CCDC91: variants seen among roughly 807,000 people sequenced by gnomAD.
CCDC91 encodes the protein coiled-coil domain-containing protein 91.
A neutral mutation model predicts 63.2 loss-of-function variants in CCDC91; 48 were observed. The observed-to-expected ratio is 0.76, with a 90% CI of 0.60 to 0.97. CCDC91 has a LOEUF of 0.97. Among genes scored for constraint, CCDC91 ranks in the 50% least tolerant of loss-of-function variants. The pLI is 0.00. For missense variants in CCDC91, 500 were observed against 494.6 expected (o/e 1.01, Z -0.10); for synonymous variants, 167 against 165.8 (o/e 1.01, Z -0.06).
intron 8 of CCDC91, among the ~76,000 whole-genome samples, chr12:28,415,630 A>G (rs542725054): frequency 1.6e-4 from 24 of 151,810 alleles, no homozygotes; most frequent in Middle Eastern, 3.4e-3. Context: ...ATTGATTTGC[A>G]TATAGCCTTT....
At chr12:28,255,606 GTTTTAA>G (rs1232104173) in intron 1 of CCDC91, 1 of 152,106 alleles carries the variant, frequency 6.6e-6, no homozygotes, top group East Asian at 1.9e-4. Flanking sequence ...GACCTGCTTA[GTTTTAA>G]TTTTTGGAGA....
intron 3 of CCDC91, among the ~76,000 whole-genome samples, chr12:28,266,450 G>A (rs1413844482): frequency 6.6e-6 from 1 of 151,952 alleles, no homozygotes; most frequent in Non-Finnish European, 1.5e-5. Flanking sequence ...AACATGAATA[G>A]CTTTTACTAG....
At position 28,322,839 on chromosome 12, in the gene CCDC91, T is replaced by C. The variant is rs149510900; in HGVS notation, c.576+15090T>C. 5.5e-4 allele frequency among the ~76,000 whole-genome samples: 84 copies of C among 151,890 alleles called. 1 individual carries two copies. Among genetic ancestry groups the C allele is most frequent in the African/African-American group, 1.9e-3 (80 of 41,544 alleles). On this transcript the variant is annotated intron_variant, in intron 6 of 12. Coordinates refer to ENST00000536442, the MANE Select transcript of CCDC91 (RefSeq NM_018318.5). ...ACATGAGAATGCCTGTTTTACCATATCCTTGCCTACTGGGTATTGCCAGAC... is the reference window on the plus strand; with the variant it reads ...ACATGAGAATGCCTGTTTTACCATACCCTTGCCTACTGGGTATTGCCAGAC...
At chr12:28,210,622 T>G (rs1011286702) in intron 1 of CCDC91, among the ~76,000 whole-genome samples, 1 of 152,196 alleles carries the variant, frequency 6.6e-6, no homozygotes, top group African/African-American at 2.4e-5. Flanking sequence ...TGCTTTTAAT[T>G]AAGCTGACTT....
chr12:28,468,126 C>A (rs1451281909), intron 11 of CCDC91, among the ~76,000 whole-genome samples: 2 of 151,598 alleles, frequency 1.3e-5, no homozygotes, highest in Non-Finnish European at 3.0e-5. Flanking sequence ...GAAAACAATA[C>A]CAAAGATCAA....
At chr12:28,290,433 CCA>C (rs1210473541) in intron 3 of CCDC91, among the ~76,000 whole-genome samples, 3 of 152,126 alleles carry the variant, frequency 2.0e-5, no homozygotes, top group African/African-American at 7.2e-5. Flanking sequence ...AGGCAGCATA[CCA>C]TTAGGTCTTT....
chr12:28,335,440 C>T (rs1353138430), intron 6 of CCDC91, among the ~76,000 whole-genome samples: 1 of 144,326 alleles, frequency 6.9e-6, no homozygotes, highest in Admixed American at 7.1e-5. Context: ...TATTTGAGAC[C>T]AGGTCTTGCT....
At chr12:28,488,816 G>A (rs1473303197) in intron 12 of CCDC91, among the ~76,000 whole-genome samples, 2 of 151,906 alleles carry the variant, frequency 1.3e-5, no homozygotes, top group African/African-American at 2.4e-5. Context: ...ACAGTGATTT[G>A]CATTGAAAGA....
intron 6 of CCDC91, among the ~76,000 whole-genome samples, chr12:28,312,346 A>G (rs1161294420): frequency 6.6e-6 from 1 of 151,950 alleles, no homozygotes; most frequent in Non-Finnish European, 1.5e-5. Context: ...GTTTGTGCAT[A>G]TTTATGTGTA....
intron 8 of CCDC91, among the ~76,000 whole-genome samples, chr12:28,428,950 C>A (rs914946799): frequency 6.6e-6 from 1 of 151,990 alleles, no homozygotes; most frequent in African/African-American, 2.4e-5. Context: ...TATTGACCTT[C>A]CAATTTCTGT....
chr12:28,495,230 A>G (rs1952215480), intron 12 of CCDC91, among the ~76,000 whole-genome samples: 2 of 151,716 alleles, frequency 1.3e-5, no homozygotes, highest in South Asian at 4.1e-4. Flanking sequence ...TCTTCACTCA[A>G]AAAACCGTGG....
At position 28,251,608 on chromosome 12, in the gene CCDC91, G is replaced by A. The variant is rs186821963; in HGVS notation, c.-14-5594G>A. Among the ~76,000 whole-genome samples the A allele has an allele frequency of 1.3e-3, 205 of 152,084 alleles. 1 individual carries two copies. Among genetic ancestry groups the A allele is most frequent in the African/African-American group, 4.6e-3 (190 of 41,514 alleles). ...TTGCTATGAAATACTGCTGTCTTCT[G>A]TGTCCTCCATGCTTTTCCAGCCTCC... On this transcript the variant is annotated intron_variant, in intron 1 of 12. Coordinates refer to ENST00000536442, the MANE Select transcript of CCDC91 (RefSeq NM_018318.5).
At chr12:28,416,254 T>C (rs1565938795) in intron 8 of CCDC91, among the ~76,000 whole-genome samples, 1 of 152,214 alleles carries the variant, frequency 6.6e-6, no homozygotes, top group Non-Finnish European at 1.5e-5. Flanking sequence ...CTGCACTAGC[T>C]TAGCATTTAT....
chr12:28,280,292 T>G (rs1217746936), intron 3 of CCDC91, among the ~76,000 whole-genome samples: 1 of 152,182 alleles, frequency 6.6e-6, no homozygotes, highest in African/African-American at 2.4e-5. Context: ...AAAATTATTT[T>G]TGTATATTAC....
At chr12:28,456,543 T>A (rs149424330) in intron 11 of CCDC91, among the ~76,000 whole-genome samples, 91 of 152,250 alleles carry the variant, frequency 6.0e-4, no homozygotes, top group African/African-American at 2.2e-3. Context: ...ATGTTTTATG[T>A]CTTGATTGTG....
rs577301533 is a variant in CCDC91, at chr12:28,266,451, C to T, written c.109+7009C>T. ...GTCATAGTGTCTGTAACATGAATAG[C>T]TTTTACTAGGTGAATTATGGTGCCT... On this transcript the variant is annotated intron_variant, in intron 3 of 12. Transcript: ENST00000536442. Among the ~76,000 whole-genome samples the T allele has an allele frequency of 4.6e-5, 7 of 152,016 alleles. No individual in the cohort carries two copies. In the South Asian group the frequency reaches 1.5e-3, roughly 32 times the overall value.
At chr12:28,226,958 T>G (rs1367816818) in intron 1 of CCDC91, among the ~76,000 whole-genome samples, 1 of 152,090 alleles carries the variant, frequency 6.6e-6, no homozygotes, top group East Asian at 1.9e-4. Context: ...GGTCAGACAT[T>G]TTGTAGGTTA....
chr12:28,436,704 G>A (rs1374132958), intron 8 of CCDC91, among the ~76,000 whole-genome samples: 3 of 151,544 alleles, frequency 2.0e-5, no homozygotes, highest in Non-Finnish European at 4.4e-5. Context: ...GATCAAGTCT[G>A]TATTTATCCT....
intron 12 of CCDC91, among the ~76,000 whole-genome samples, chr12:28,487,075 G>A (rs1951765734): frequency 6.6e-6 from 1 of 151,800 alleles, no homozygotes; most frequent in African/African-American, 2.4e-5. Context: ...AGTGTTTGGT[G>A]TTCTATTTCC....
Sources: allele counts gnomAD v4.1 joint callset (sites outside exome capture counted in the v4.1 genomes callset), GRCh38; gene constraint gnomAD v4.1.1; transcripts MANE v1.5; gene names NCBI Gene and HGNC (gene_info 2026-07-23, HGNC 2026-07-21).